Variants in SNTG1 observed in about 807,000 individuals in gnomAD.
SNTG1 encodes the protein syntrophin gamma 1, also known as gamma-1-syntrophin.
SNTG1 carries 39 observed loss-of-function variants against 74.7 expected under a neutral mutation model. That is an observed-to-expected ratio of 0.52 (90% confidence interval 0.40 to 0.68). The LOEUF (loss-of-function observed/expected upper bound fraction) is 0.68, where lower values mean the gene tolerates loss of function less well. Ranked by LOEUF, SNTG1 falls within the 30% of genes least tolerant of loss-of-function variation. SNTG1 has a pLI of 0.00. For synonymous variants in SNTG1, 254 were observed against 217.1 expected, an observed-to-expected ratio of 1.17 and a Z score of -1.49; for missense variants, 685 against 609.5, an observed-to-expected ratio of 1.12 and a Z score of -1.30.
At chr8:49,961,426 A>T (rs1043698941) in intron 1 of SNTG1, among the ~76,000 whole-genome samples, 2 of 152,200 alleles carry the variant, frequency 1.3e-5, no homozygotes, top group African/African-American at 4.8e-5. Context: ...AGAAACTTGG[A>T]TGCCTGTTGG....
intron 1 of SNTG1, 76 bp from the exon 2 acceptor site, chr8:50,172,485 C>T (rs1224049046): frequency 1.3e-5 from 2 of 152,072 alleles, no homozygotes; most frequent in Admixed American, 1.3e-4. Context: ...AAAGTAGATA[C>T]ATTTCGGTGT....
At chr8:50,159,002 A>G (rs1218150245) in intron 1 of SNTG1, among the ~76,000 whole-genome samples, 1 of 152,076 alleles carries the variant, frequency 6.6e-6, no homozygotes. Flanking sequence ...GTTTGCTTCT[A>G]ATTTGATGGT....
chr8:50,308,984 A>G (rs2090004765), intron 2 of SNTG1, among the ~76,000 whole-genome samples: 1 of 152,152 alleles, frequency 6.6e-6, no homozygotes, highest in Admixed American at 6.5e-5. Context: ...CACATCAAAG[A>G]TGACTTTGAA....
chr8:50,137,810 G>A (rs1563645592), intron 1 of SNTG1, among the ~76,000 whole-genome samples: 2 of 152,114 alleles, frequency 1.3e-5, no homozygotes, highest in South Asian at 4.1e-4. Context: ...GAGGATGGAC[G>A]AGCTGAGCTT....
rs573222003 is a variant in SNTG1, at chr8:50,144,766, T to C, written c.-102-27795T>C. Among the ~76,000 whole-genome samples the C allele has an allele frequency of 9.2e-5, 14 of 152,312 alleles. No homozygotes were observed. The East Asian group carries it at 2.5e-3, about 27-fold the overall frequency. ...TTGAGCAGTGGGTGGATAAACGTTC[T>C]ACTCACATATATAGGTACACAGAGC... On this transcript the variant is annotated intron_variant, in intron 1 of 18. Transcript: ENST00000642720.
intron 1 of SNTG1, among the ~76,000 whole-genome samples, chr8:50,141,554 TA>T (rs2081657334): frequency 6.6e-6 from 1 of 152,170 alleles, no homozygotes; most frequent in South Asian, 2.1e-4. Flanking sequence ...GTTAGCTAAT[TA>T]AGCTTCCATA....
intron 15 of SNTG1, among the ~76,000 whole-genome samples, chr8:50,691,955 T>C (rs1323849129): frequency 6.6e-6 from 1 of 152,140 alleles, no homozygotes; most frequent in African/African-American, 2.4e-5. Context: ...TTTCTTTTTA[T>C]TCTTTTTTCT....
intron 2 of SNTG1, among the ~76,000 whole-genome samples, chr8:50,353,018 A>G (rs1012816755): frequency 5.9e-5 from 9 of 152,152 alleles, no homozygotes; most frequent in Non-Finnish European, 1.3e-4. Context: ...ATGTCCCTCA[A>G]TGATAGACTG....
rs573872701 is a variant in SNTG1, at chr8:49,963,927, A to G, written c.-103+51696A>G. On this transcript the variant is annotated intron_variant, in intron 1 of 18. Coordinates refer to ENST00000642720, the MANE Select transcript of SNTG1 (RefSeq NM_018967.5). ...ATGTCTGATATTTAAGAACTTATACATAAAGCTCAAAATGAGAAAAATAGC... is the reference window on the plus strand; with the variant it reads ...ATGTCTGATATTTAAGAACTTATACGTAAAGCTCAAAATGAGAAAAATAGC... Among the ~76,000 whole-genome samples, 211 of 152,358 alleles carry G rather than the reference A, an allele frequency of 1.4e-3. 3 individuals carry two copies. Among genetic ancestry groups the G allele is most frequent in the African/African-American group, 4.9e-3 (203 of 41,598 alleles).
In SNTG1 at chr8:50,432,844, T is replaced by G. The variant is rs111763989; in HGVS notation, c.163-5699T>G. Among the ~76,000 whole-genome samples the G allele has an allele frequency of 9.5e-3, 1,439 of 152,234 alleles. 22 individuals are homozygous for G. The highest frequency in any genetic ancestry group is 0.031 in the African/African-American group (1,303 of 41,526). The stretch of plus-strand genomic sequence containing the variant: ...TCTCACTCTATTGCCCAGGCTGGAG[T>G]GCAGTGGCACAGTCTCGGCTACTGC... On this transcript the variant is annotated intron_variant, in intron 4 of 18. Transcript: ENST00000642720.
intron 12 of SNTG1, among the ~76,000 whole-genome samples, chr8:50,569,434 T>A (rs1196898429): frequency 6.6e-6 from 1 of 151,638 alleles, no homozygotes; most frequent in African/African-American, 2.4e-5. Flanking sequence ...ATATATTTAA[T>A]CCATAGAGAT....
chr8:50,555,149 T>C (rs1382961126), intron 12 of SNTG1, among the ~76,000 whole-genome samples: 2 of 152,194 alleles, frequency 1.3e-5, no homozygotes, highest in African/African-American at 2.4e-5. Flanking sequence ...CTGCTTGTTT[T>C]TCATCCTTGT....
intron 1 of SNTG1, among the ~76,000 whole-genome samples, chr8:49,956,999 A>G (rs1318271433): frequency 6.6e-6 from 1 of 152,192 alleles, no homozygotes; most frequent in Admixed American, 6.5e-5. Context: ...AGGGGATAGG[A>G]GGGTGAGGGA....
At chr8:50,779,459 G>C (rs1585774236) in intron 18 of SNTG1, among the ~76,000 whole-genome samples, 1 of 152,038 alleles carries the variant, frequency 6.6e-6, no homozygotes. Context: ...TATTCTCTTT[G>C]AAGCAATTGT....
At position 49,938,592 on chromosome 8, in the gene SNTG1, C is replaced by CTT. The variant is rs1244932981; in HGVS notation, c.-103+26364_-103+26365dup. On this transcript the variant is annotated intron_variant, in intron 1 of 18. Coordinates refer to ENST00000642720, the MANE Select transcript of SNTG1 (RefSeq NM_018967.5). ...CTTTTCTTTTCTTTTCTTTTCTTTT[C>CTT]TTTTCTTTTCTTTTCTTTCTTTCTT... is the stretch of plus-strand genomic sequence containing the variant. 0.025 allele frequency among the ~76,000 whole-genome samples: 454 copies of CTT among 18,122 alleles called. 15 individuals are homozygous for CTT. In the East Asian group the frequency reaches 0.35, roughly 14 times the overall value. The allele number at this position is 18,122 out of a possible 152,430, so 11.9% of individuals were successfully genotyped here.
intron 17 of SNTG1, among the ~76,000 whole-genome samples, chr8:50,739,732 AG>A (rs2095538372): frequency 6.6e-6 from 1 of 152,048 alleles, no homozygotes; most frequent in Non-Finnish European, 1.5e-5. Flanking sequence ...GATTTTAAAC[AG>A]GGCTATAGTA....
intron 9 of SNTG1, among the ~76,000 whole-genome samples, chr8:50,517,100 G>A (rs758945029): frequency 8.5e-5 from 13 of 152,276 alleles, no homozygotes; most frequent in Admixed American, 2.0e-4. Context: ...AGATGTCTCC[G>A]CAGAAACTCA....
At chr8:50,043,218 T>C (rs1382299447) in intron 1 of SNTG1, among the ~76,000 whole-genome samples, 2 of 152,118 alleles carry the variant, frequency 1.3e-5, no homozygotes, top group Non-Finnish European at 2.9e-5. Flanking sequence ...TATTAGCGAG[T>C]CTATATTAGC....
chr8:50,672,101 A>T (rs1320831403), intron 15 of SNTG1, among the ~76,000 whole-genome samples: 1 of 149,204 alleles, frequency 6.7e-6, no homozygotes, highest in South Asian at 2.1e-4. Context: ...GCTAAATGAC[A>T]AGTTAATGGG....
Sources: allele counts gnomAD v4.1 joint callset (sites outside exome capture counted in the v4.1 genomes callset), GRCh38; gene constraint gnomAD v4.1.1; transcripts MANE v1.5; gene names NCBI Gene and HGNC (gene_info 2026-07-23, HGNC 2026-07-21).